CDH12: variants seen among roughly 807,000 people sequenced by gnomAD.
CDH12 encodes the protein cadherin-12.
CDH12 carries 41 observed loss-of-function variants against 74.1 expected under a neutral mutation model. The ratio of observed to expected loss-of-function variants is 0.55; its 90% confidence interval spans 0.43 to 0.72. CDH12 has a LOEUF of 0.72. CDH12 is among the 30% of genes least tolerant of loss of function. The pLI, the probability that CDH12 is intolerant of heterozygous loss-of-function variation, is 0.00. For synonymous variants in CDH12, 399 were observed against 355.0 expected, an observed-to-expected ratio of 1.12 and a Z score of -1.39; for missense variants, 945 against 977.2, an observed-to-expected ratio of 0.97 and a Z score of 0.44.
intron 1 of CDH12, among the ~76,000 whole-genome samples, chr5:22,829,871 G>T (rs951029750): frequency 2.6e-4 from 39 of 152,168 alleles, no homozygotes; most frequent in African/African-American, 8.9e-4. Flanking sequence ...GGTTGTGGAT[G>T]GTCTATGATA....
intron 3 of CDH12, among the ~76,000 whole-genome samples, chr5:22,366,534 G>A (rs1278365130): frequency 6.6e-6 from 1 of 151,934 alleles, no homozygotes; most frequent in African/African-American, 2.4e-5. Flanking sequence ...TTATTCTCCT[G>A]GAATTTCACC....
intron 4 of CDH12, among the ~76,000 whole-genome samples, chr5:22,177,252 C>T (rs1749391006): frequency 6.6e-6 from 1 of 152,052 alleles, no homozygotes; most frequent in Non-Finnish European, 1.5e-5. Context: ...TCACAAATTT[C>T]CCTACCTATT....
At chr5:22,556,188 T>G (rs1738795979) in intron 1 of CDH12, among the ~76,000 whole-genome samples, 1 of 152,118 alleles carries the variant, frequency 6.6e-6, no homozygotes, top group South Asian at 2.1e-4. Context: ...GTACTTGCCT[T>G]TGATAAAAGC....
At chr5:22,603,185 T>A (rs1736931158) in intron 1 of CDH12, among the ~76,000 whole-genome samples, 1 of 151,922 alleles carries the variant, frequency 6.6e-6, no homozygotes, top group South Asian at 2.1e-4. Context: ...CAGAAAACCA[T>A]AAATCTCTCA....
At chr5:22,731,719 T>G (rs913884129) in intron 1 of CDH12, among the ~76,000 whole-genome samples, 3 of 151,922 alleles carry the variant, frequency 2.0e-5, no homozygotes, top group African/African-American at 7.2e-5. Context: ...TTACAGTGAA[T>G]TTACATGTCC....
At chr5:21,885,313 AC>A (rs1202208006) in intron 6 of CDH12, among the ~76,000 whole-genome samples, 1 of 152,212 alleles carries the variant, frequency 6.6e-6, no homozygotes, top group Non-Finnish European at 1.5e-5. Context: ...TCTGTAATTT[AC>A]CCAAGGTTGT....
intron 8 of CDH12, among the ~76,000 whole-genome samples, chr5:21,832,729 T>C (rs1156655134): frequency 1.4e-5 from 2 of 141,316 alleles, no homozygotes; most frequent in Non-Finnish European, 3.0e-5. Flanking sequence ...GAAATGCTTA[T>C]TATATATGAG....
intron 9 of CDH12, among the ~76,000 whole-genome samples, chr5:21,809,273 C>G (rs1398632438): frequency 2.0e-5 from 3 of 151,870 alleles, no homozygotes; most frequent in Non-Finnish European, 4.4e-5. Context: ...AAAAAACAAG[C>G]AAACAAAACA....
intron 6 of CDH12, among the ~76,000 whole-genome samples, chr5:21,921,263 A>G (rs1439017186): frequency 6.6e-6 from 1 of 152,230 alleles, no homozygotes; most frequent in Admixed American, 6.5e-5. Context: ...CCTTAAAATC[A>G]TAAATGAGGT....
At chr5:22,171,380 T>C (rs531711315) in intron 4 of CDH12, among the ~76,000 whole-genome samples, 2 of 152,064 alleles carry the variant, frequency 1.3e-5, no homozygotes, top group Admixed American at 6.6e-5. Context: ...TGCTTAGATG[T>C]AATACCAGTG....
intron 3 of CDH12, among the ~76,000 whole-genome samples, chr5:22,239,229 C>T (rs900972772): frequency 1.3e-5 from 2 of 152,154 alleles, no homozygotes; most frequent in African/African-American, 4.8e-5. Context: ...ATTGAGATTT[C>T]CTCTGGAAAC....
intron 4 of CDH12, among the ~76,000 whole-genome samples, chr5:22,129,991 G>A (rs189146787): frequency 3.0e-4 from 46 of 152,060 alleles, no homozygotes; most frequent in African/African-American, 9.4e-4. Context: ...AGAATATGAT[G>A]AAGTTTAAAT....
intron 11 of CDH12, among the ~76,000 whole-genome samples, chr5:21,781,413 C>G (rs1162566290): frequency 2.0e-5 from 3 of 152,082 alleles, no homozygotes; most frequent in Admixed American, 2.0e-4. Flanking sequence ...ACTGCCATTC[C>G]ATTTTAGCCC....
In CDH12 at chr5:22,517,437, T is replaced by C. The variant is rs150037801; in HGVS notation, c.-522-12073A>G. Among the ~76,000 whole-genome samples, 835 of 152,308 alleles carry C rather than the reference T, an allele frequency of 5.5e-3. 8 individuals carry two copies. Among genetic ancestry groups the C allele is most frequent in the African/African-American group, 0.019 (786 of 41,580 alleles). On this transcript the variant is annotated intron_variant, in intron 1 of 14. Transcript: ENST00000382254. The stretch of plus-strand genomic sequence containing the variant: ...GTTACATCATATTTACCTGAAAATA[T>C]TGAAGTTCAAAGGGAATTTTAAAAA...
chr5:21,785,313 C>T (rs1043437350), intron 10 of CDH12, among the ~76,000 whole-genome samples: 4 of 152,206 alleles, frequency 2.6e-5, no homozygotes, highest in South Asian at 2.1e-4. Context: ...ACAACAATAT[C>T]GAAAATAAGT....
chr5:22,677,140 G>C lies in CDH12; in HGVS notation c.-522-171776C>G, dbSNP rs1281025023. Among the ~76,000 whole-genome samples, 3 of 152,194 alleles carry C rather than the reference G, an allele frequency of 2.0e-5. No individual in the cohort carries two copies. In the East Asian group the frequency reaches 5.8e-4, roughly 29 times the overall value. On this transcript the variant is annotated intron_variant, in intron 1 of 14. Transcript: ENST00000382254. ...TTAGATTGGATGACACATATATATT[G>C]ATTTGTGCATTGGTTTTATTGATGC... is the stretch of plus-strand genomic sequence containing the variant.
chr5:21,830,199 CAAAAAAA>C (rs1055199877), intron 8 of CDH12, among the ~76,000 whole-genome samples: 120 of 25,238 alleles, frequency 4.8e-3, no homozygotes, highest in African/African-American at 0.013. Flanking sequence ...AACTCCTTCT[CAAAAAAA>C]AAAAAAAAAA....
intron 1 of CDH12, among the ~76,000 whole-genome samples, chr5:22,787,380 C>T (rs2126370435): frequency 6.6e-6 from 1 of 152,184 alleles, no homozygotes; most frequent in East Asian, 1.9e-4. Context: ...AATTAGCCTA[C>T]CAAGAAGTCA....
intron 1 of CDH12, among the ~76,000 whole-genome samples, chr5:22,670,542 T>G (rs2126912726): frequency 6.6e-6 from 1 of 152,170 alleles, no homozygotes; most frequent in South Asian, 2.1e-4. Flanking sequence ...ACCAATAACA[T>G]TTAATAGTGG....
Sources: gnomAD v4.1 joint callset for allele counts (sites outside exome capture counted in the v4.1 genomes callset) on GRCh38, gnomAD v4.1.1 for gene constraint, MANE v1.5 for transcripts, NCBI Gene and HGNC (gene_info 2026-07-23, HGNC 2026-07-21) for gene names.